The following PRKAA1 variants were observed in gnomAD, a reference collection of about 807,000 sequenced individuals.
PRKAA1 encodes the protein protein kinase AMP-activated catalytic subunit alpha 1.
In PRKAA1, 23 loss-of-function variants were observed where a neutral mutation model predicts 56.9. The observed-to-expected ratio is 0.40, with a 90% CI of 0.29 to 0.57. The LOEUF (loss-of-function observed/expected upper bound fraction) is 0.57. Among genes scored for constraint, PRKAA1 ranks in the 20% least tolerant of loss-of-function variants. PRKAA1 has a pLI of 0.39. For synonymous variants in PRKAA1, 226 were observed against 227.0 expected (o/e 1.00, Z 0.04); for missense variants, 413 against 679.7 (o/e 0.61, Z 4.36).
At chr5:40,765,751 T>TA (rs869279715) in intron 6 of PRKAA1, among the ~76,000 whole-genome samples, 12 of 64,734 alleles carry the variant, frequency 1.9e-4, no homozygotes, top group African/African-American at 6.2e-4. Flanking sequence ...GAATTGAGGT[T>TA]AAAAAAAAAA....
At chr5:40,763,472 C>T (rs1029198042) in intron 8 of PRKAA1, among the ~76,000 whole-genome samples, 2 of 152,104 alleles carry the variant, frequency 1.3e-5, no homozygotes, top group African/African-American at 4.8e-5. Flanking sequence ...AACAAATGAA[C>T]AGAAAGGTAA....
intron 1 of PRKAA1, among the ~76,000 whole-genome samples, chr5:40,781,746 C>A (rs754689487): frequency 2.8e-4 from 43 of 151,960 alleles, no homozygotes; most frequent in Non-Finnish European, 5.7e-4. Context: ...ATGAAAAAAC[C>A]AAATATAGGT....
intron 6 of PRKAA1, among the ~76,000 whole-genome samples, chr5:40,766,470 G>A (rs1579714468): frequency 6.6e-6 from 1 of 152,124 alleles, no homozygotes; most frequent in East Asian, 1.9e-4. Flanking sequence ...TCTAATTTGA[G>A]AAGAAAATTT....
chr5:40,767,774 A>G, intron 5 of PRKAA1, 84 bp from the exon 6 acceptor site: 1 of 1,167,666 alleles, frequency 8.6e-7, no homozygotes. Flanking sequence ...TGGATATTTC[A>G]TAAAGAATTC....
At chr5:40,786,557 C>T (rs1214879276) in intron 1 of PRKAA1, among the ~76,000 whole-genome samples, 1 of 151,382 alleles carries the variant, frequency 6.6e-6, no homozygotes, top group African/African-American at 2.4e-5. Flanking sequence ...GGGGTTCAAC[C>T]ACAGGCTACA....
rs766237840 is a variant in PRKAA1, at chr5:40,764,579, T to C, written c.1370A>G (p.Lys457Arg). The C allele has an allele frequency of 4.3e-6, 7 of 1,613,492 alleles. No individual in the cohort carries two copies. In the South Asian group the frequency reaches 6.6e-5, roughly 15 times the overall value. Reference sequence around the variant, plus strand: ...CACTTGGTATAACTGTAGACTCATTTTGGAGTAAGTGCTTGTCACAGGATT... The same window carrying C: ...CACTTGGTATAACTGTAGACTCATTCTGGAGTAAGTGCTTGTCACAGGATT... ...RKNPVTSTYS[K>R]MSLQLYQVDS... The change falls in exon 8 of 9, where the codon AAA becomes AGA. Residue 457 changes from lysine (K) to arginine (R), a missense_variant. This residue lies in a region of PRKAA1 where 139 missense variants were observed against 171.5 expected (regional missense o/e 0.81). Transcript: ENST00000397128.
chr5:40,798,302 A>C lies in PRKAA1; in HGVS notation c.-113T>G, dbSNP rs1416449146. The C allele has an allele frequency of 1.7e-6, 1 of 593,874 alleles. No homozygotes were observed. Among genetic ancestry groups the C allele is most frequent in the African/African-American group, 2.0e-5 (1 of 49,748 alleles). 36.8% of individuals were successfully genotyped at this position (593,874 alleles called of 1,614,324 possible). A position where few individuals can be genotyped will look rare whatever the true frequency, so the allele number is the denominator to read the frequency against. ...AGCCGAGTCACCGCCCTGCGCCGCCAGCCCAGGCCCCGCAGCCTACGTCGG... is the reference window on the plus strand; with the variant it reads ...AGCCGAGTCACCGCCCTGCGCCGCCCGCCCAGGCCCCGCAGCCTACGTCGG... On this transcript the variant is annotated 5_prime_UTR_variant, in exon 1 of 9. Coordinates refer to ENST00000397128, the MANE Select transcript of PRKAA1 (RefSeq NM_006251.6).
intron 1 of PRKAA1, among the ~76,000 whole-genome samples, chr5:40,783,688 G>A (rs1025226656): frequency 6.6e-6 from 1 of 152,150 alleles, no homozygotes; most frequent in Admixed American, 6.5e-5. Context: ...GAACCCGAGA[G>A]GCGGAGGTTA....
At chr5:40,772,557 C>T (rs1743796381) in intron 3 of PRKAA1, among the ~76,000 whole-genome samples, 1 of 150,962 alleles carries the variant, frequency 6.6e-6, no homozygotes, top group South Asian at 2.1e-4. Flanking sequence ...CTTTAATATG[C>T]TTGCTAAAAA....
chr5:40,792,999 G>A (rs1744778356), intron 1 of PRKAA1, among the ~76,000 whole-genome samples: 1 of 151,682 alleles, frequency 6.6e-6, no homozygotes, highest in African/African-American at 2.4e-5. Context: ...CCCGGGAGGT[G>A]GAAGTTGCAG....
chr5:40,776,323 T>C (rs1013313882), intron 2 of PRKAA1, among the ~76,000 whole-genome samples: 5 of 152,224 alleles, frequency 3.3e-5, no homozygotes, highest in African/African-American at 1.2e-4. Flanking sequence ...TTAGCCAAGA[T>C]GGTGAAAACT....
chr5:40,787,605 G>C (rs146421319), intron 1 of PRKAA1, among the ~76,000 whole-genome samples: 1 of 152,162 alleles, frequency 6.6e-6, no homozygotes, highest in East Asian at 1.9e-4. Context: ...GTGTGTATGT[G>C]ATCAAAGTTA....
At chr5:40,778,352 A>G (rs563662560) in intron 1 of PRKAA1, among the ~76,000 whole-genome samples, 1 of 152,306 alleles carries the variant, frequency 6.6e-6, no homozygotes, top group East Asian at 1.9e-4. Context: ...CTTTTGCCAG[A>G]TTCATCCCAA....
At chr5:40,791,568 A>AG (rs1744719147) in intron 1 of PRKAA1, among the ~76,000 whole-genome samples, 2 of 152,268 alleles carry the variant, frequency 1.3e-5, no homozygotes, top group East Asian at 3.8e-4. Context: ...GGATTTTAAT[A>AG]GGACAGAGAA....
intron 1 of PRKAA1, among the ~76,000 whole-genome samples, chr5:40,786,428 G>A (rs971997147): frequency 2.0e-5 from 3 of 151,984 alleles, no homozygotes; most frequent in African/African-American, 4.8e-5. Context: ...GCATTGTTAC[G>A]GCAGCCCTAG....
intron 2 of PRKAA1, among the ~76,000 whole-genome samples, chr5:40,775,975 C>A (rs1743984426): frequency 1.3e-5 from 2 of 152,090 alleles, no homozygotes; most frequent in Admixed American, 1.3e-4. Flanking sequence ...CCAGAAGACA[C>A]AGAATTTTAC....
chr5:40,785,778 T>C (rs1269504216), intron 1 of PRKAA1, among the ~76,000 whole-genome samples: 5 of 150,994 alleles, frequency 3.3e-5, no homozygotes, highest in Non-Finnish European at 7.4e-5. Context: ...GGATTTAGGG[T>C]GAGCCCTATA....
intron 1 of PRKAA1, among the ~76,000 whole-genome samples, chr5:40,779,849 C>T (rs1744188226): frequency 6.6e-6 from 1 of 152,098 alleles, no homozygotes; most frequent in East Asian, 1.9e-4. Context: ...AATGCTTACA[C>T]ATTACGTCAC....
At chr5:40,785,817 G>C (rs564862476) in intron 1 of PRKAA1, among the ~76,000 whole-genome samples, 4,842 of 146,028 alleles carry the variant, frequency 0.033, 110 homozygotes, top group Non-Finnish European at 0.048. Flanking sequence ...TACAAGAAGA[G>C]GAGAGCACAC....
Sources: allele counts gnomAD v4.1 joint callset (sites outside exome capture counted in the v4.1 genomes callset), GRCh38; gene constraint gnomAD v4.1.1; regional missense constraint gnomAD v4.1.1; transcripts MANE v1.5; gene names NCBI Gene and HGNC (gene_info 2026-07-23, HGNC 2026-07-21).